The following ALMS1 variants were observed in gnomAD, a reference collection of about 807,000 sequenced individuals.
The protein encoded by ALMS1 is centrosome-associated protein ALMS1.
Under a neutral mutation model 352.2 loss-of-function variants are expected in ALMS1, and 271 were observed. The observed-to-expected ratio is 0.77, with a 90% CI of 0.70 to 0.85. The LOEUF (loss-of-function observed/expected upper bound fraction) is 0.85. Ranked by LOEUF, ALMS1 falls within the 40% of genes least tolerant of loss-of-function variation. The probability of loss-of-function intolerance (pLI) is 0.00; values close to 1 mark genes in which losing one functional copy is unlikely to be tolerated. For missense variants in ALMS1, 5,445 were observed against 4,870.7 expected (o/e 1.12, Z -3.51); for synonymous variants, 1,865 against 1,761.2 (o/e 1.06, Z -1.48).
At chr2:73,574,383 A>G (rs1293216903) in intron 16 of ALMS1, among the ~76,000 whole-genome samples, 1 of 152,168 alleles carries the variant, frequency 6.6e-6, no homozygotes, top group African/African-American at 2.4e-5. Context: ...TGGAACGAAA[A>G]ATATTTGAAT....
At chr2:73,603,645 A>C in intron 21 of ALMS1, 1 of 312,084 alleles carries the variant, frequency 3.2e-6, no homozygotes, top group Non-Finnish European at 6.2e-6. Context: ...AGATCACATG[A>C]GGTTAGGAGT....
At position 73,557,291 on chromosome 2, in the gene ALMS1, A is replaced by G; in HGVS notation, c.10150A>G (p.Thr3384Ala). 1 of 1,614,202 alleles carries G rather than the reference A, an allele frequency of 6.2e-7. No homozygotes were observed. The highest frequency in any genetic ancestry group is 8.5e-7 in the Non-Finnish European group (1 of 1,180,018). Residue 3384 changes from threonine to alanine, a missense_variant, in exon 14 of 23, where the codon ACA becomes GCA. Thr to Ala is a moderately conservative substitution (Grantham distance 58). Transcript: ENST00000613296. ...CAAAAAACAGCAAGAGATTCACAGT[A>G]CAAGGGCAGTGACTGAGGCTGCCCA... ...SDKKQQEIHS[T>A]RAVTEAAQAK...
At chr2:73,425,135 G>A (rs903131492) in intron 5 of ALMS1, among the ~76,000 whole-genome samples, 2 of 152,000 alleles carry the variant, frequency 1.3e-5, no homozygotes, top group African/African-American at 4.8e-5. Context: ...GTTGTTTGTT[G>A]GAAAGAAGAG....
chr2:73,447,446 A>G (rs1298139745), intron 7 of ALMS1, among the ~76,000 whole-genome samples: 1 of 152,042 alleles, frequency 6.6e-6, no homozygotes, highest in Non-Finnish European at 1.5e-5. Flanking sequence ...GAGTCCTTCA[A>G]ACTCACTGCA....
In ALMS1 at chr2:73,385,934, G is replaced by GGAGGAA; in HGVS notation, c.71_72insAGAGGA (p.Glu27_Glu28dup). On this transcript the variant is annotated inframe_insertion, in exon 1 of 23. Transcript: ENST00000613296. ...AGGAGGAGGAGGAGGAGGAGGAGGA[G>GGAGGAA]GAGGAGGAAGAGGAGGAGGCTGCAG... is the stretch of plus-strand genomic sequence containing the variant. The GGAGGAA allele has an allele frequency of 9.1e-7, 1 of 1,099,468 alleles. No homozygotes were observed. The highest frequency in any genetic ancestry group is 1.4e-5 in the South Asian group (1 of 72,942). The allele number at this position is 1,099,468 out of a possible 1,614,324, so 68.1% of individuals were successfully genotyped here.
At chr2:73,388,421 A>G (rs907261501) in intron 1 of ALMS1, among the ~76,000 whole-genome samples, 6 of 152,150 alleles carry the variant, frequency 3.9e-5, no homozygotes, top group African/African-American at 1.4e-4. Context: ...CTTGATAGGT[A>G]ATTTTTCAGC....
intron 3 of ALMS1, among the ~76,000 whole-genome samples, chr2:73,420,639 C>G (rs1671264719): frequency 6.6e-6 from 1 of 152,140 alleles, no homozygotes; most frequent in Non-Finnish European, 1.5e-5. Context: ...TGCAAAATGT[C>G]TAGCAAAATT....
At chr2:73,564,103 A>G (rs1674728617) in intron 15 of ALMS1, among the ~76,000 whole-genome samples, 1 of 151,976 alleles carries the variant, frequency 6.6e-6, no homozygotes, top group South Asian at 2.1e-4. Context: ...AAACTTAAAA[A>G]AAAAACCCTT....
At chr2:73,497,792 G>A (rs987061759) in intron 10 of ALMS1, among the ~76,000 whole-genome samples, 11 of 152,120 alleles carry the variant, frequency 7.2e-5, no homozygotes, top group African/African-American at 2.7e-4. Flanking sequence ...CTCATTGGTT[G>A]ATGGGCATTT....
At chr2:73,561,465 CTCTT>C (rs1674661712) in intron 15 of ALMS1, among the ~76,000 whole-genome samples, 1 of 152,166 alleles carries the variant, frequency 6.6e-6, no homozygotes, top group Non-Finnish European at 1.5e-5. Flanking sequence ...AAACTTATTT[CTCTT>C]TCTTTTTAAT....
intron 16 of ALMS1, among the ~76,000 whole-genome samples, chr2:73,597,779 A>G: frequency 6.6e-6 from 1 of 150,486 alleles, no homozygotes; most frequent in Admixed American, 6.6e-5. Flanking sequence ...CCTGACACAG[A>G]GCTTTTTTTT....
intron 9 of ALMS1, among the ~76,000 whole-genome samples, chr2:73,489,178 G>C (rs1035943660): frequency 6.6e-6 from 1 of 152,134 alleles, no homozygotes; most frequent in African/African-American, 2.4e-5. Flanking sequence ...TCAAGAACTT[G>C]ATTTTAAGGA....
At chr2:73,487,207 C>T (rs1022588344) in intron 9 of ALMS1, among the ~76,000 whole-genome samples, 7 of 152,134 alleles carry the variant, frequency 4.6e-5, no homozygotes, top group Non-Finnish European at 7.3e-5. Flanking sequence ...GTGCTTGGCT[C>T]GCACTACTAT....
At chr2:73,522,741 A>T (rs1181629122) in intron 11 of ALMS1, among the ~76,000 whole-genome samples, 1 of 152,158 alleles carries the variant, frequency 6.6e-6, no homozygotes. Flanking sequence ...TGTTGGGATT[A>T]CAGGCGTGAG....
chr2:73,556,773 G>C (rs961320856), intron 13 of ALMS1, among the ~76,000 whole-genome samples: 2 of 151,916 alleles, frequency 1.3e-5, no homozygotes, highest in African/African-American at 2.4e-5. Context: ...CACAGTCTCA[G>C]CTCACTGCAG....
chr2:73,495,443 C>T (rs1327920008), intron 10 of ALMS1, among the ~76,000 whole-genome samples: 11 of 152,114 alleles, frequency 7.2e-5, no homozygotes, highest in African/African-American at 1.7e-4. Flanking sequence ...ACCATGTTGG[C>T]CAGGCTGGTC....
intron 16 of ALMS1, among the ~76,000 whole-genome samples, chr2:73,598,663 G>C (rs985286795): frequency 6.6e-5 from 10 of 152,086 alleles, no homozygotes; most frequent in Non-Finnish European, 1.5e-4. Flanking sequence ...TAGATTACCA[G>C]ACCCCTCCCC....
At chr2:73,574,898 C>G (rs564942967) in intron 16 of ALMS1, among the ~76,000 whole-genome samples, 1 of 152,240 alleles carries the variant, frequency 6.6e-6, no homozygotes, top group East Asian at 1.9e-4. Context: ...AGTGGAAACC[C>G]TGTACCCATT....
rs2103961762 is a variant in ALMS1, at chr2:73,519,758, TTC to T, written c.9540-13_9540-12del. 6.2e-7 allele frequency: 1 copy of T among 1,613,910 alleles called. No individual in the cohort carries two copies. Among genetic ancestry groups the T allele is most frequent in the Admixed American group, 1.7e-5 (1 of 60,008 alleles). ...CCAAGGATATAATCTGCTGTATTCTTTCTCTTTTTTGGTCAGATTACCAGAGA... is the reference window on the plus strand; with the variant it reads ...CCAAGGATATAATCTGCTGTATTCTTTCTTTTTTGGTCAGATTACCAGAGA... On this transcript the variant is annotated splice_polypyrimidine_tract_variant and intron_variant, in intron 10 of 22. Transcript: ENST00000613296.
Sources: allele counts gnomAD v4.1 joint callset (sites outside exome capture counted in the v4.1 genomes callset), GRCh38; gene constraint gnomAD v4.1.1; transcripts MANE v1.5; gene names NCBI Gene and HGNC (gene_info 2026-07-23, HGNC 2026-07-21).